NUP133: variants seen among roughly 807,000 people sequenced by gnomAD.
NUP133 encodes nuclear pore complex protein Nup133.
Under a neutral mutation model 146.2 loss-of-function variants are expected in NUP133, and 66 were observed. The observed-to-expected ratio is 0.45, with a 90% CI of 0.37 to 0.55. NUP133 has a LOEUF of 0.55. Ranked by LOEUF, NUP133 falls within the 20% of genes least tolerant of loss-of-function variation. The probability of loss-of-function intolerance (pLI) is 0.00; values close to 1 mark genes in which losing one functional copy is unlikely to be tolerated. For synonymous variants in NUP133, 521 were observed against 498.8 expected (o/e 1.04, Z -0.59); for missense variants, 1,277 against 1,374.8 (o/e 0.93, Z 1.12).
At chr1:229,472,304 G>C (rs1157316783) in intron 14 of NUP133, among the ~76,000 whole-genome samples, 1 of 145,164 alleles carries the variant, frequency 6.9e-6, no homozygotes, top group Non-Finnish European at 1.5e-5. Context: ...GGGCGACAGA[G>C]CGAGACTCCG....
chr1:229,491,889 G>T (rs1661526793), intron 8 of NUP133, among the ~76,000 whole-genome samples: 1 of 152,154 alleles, frequency 6.6e-6, no homozygotes, highest in Admixed American at 6.5e-5. Flanking sequence ...AGACCAAACA[G>T]GGCAACCCTG....
chr1:229,447,121 T>A (rs574367934), intron 24 of NUP133, among the ~76,000 whole-genome samples: 22 of 151,958 alleles, frequency 1.4e-4, no homozygotes, highest in African/African-American at 5.1e-4. Flanking sequence ...TGAAACTCCA[T>A]CACAAAAAAA....
At chr1:229,461,114 G>A (rs151070299) in intron 19 of NUP133, among the ~76,000 whole-genome samples, 326 of 152,248 alleles carry the variant, frequency 2.1e-3, no homozygotes, top group African/African-American at 7.4e-3. Context: ...CACATTTCAA[G>A]TGCTCAGTAG....
chr1:229,446,616 C>T (rs994302624), intron 24 of NUP133, among the ~76,000 whole-genome samples: 2 of 151,792 alleles, frequency 1.3e-5, no homozygotes, highest in Admixed American at 1.3e-4. Context: ...CACCTGTAGT[C>T]CCAACTAATC....
At chr1:229,491,269 T>C (rs1262352132) in intron 8 of NUP133, among the ~76,000 whole-genome samples, 1 of 152,204 alleles carries the variant, frequency 6.6e-6, no homozygotes, top group Non-Finnish European at 1.5e-5. Flanking sequence ...CTTTTGGCCC[T>C]TTACAGAAAA....
rs1660771917 is a variant in NUP133 at position 229,464,708 on chromosome 1, C to G, written c.2467G>C (p.Val823Leu). ...LDGYVSQLKS[V>L]DKSSNRERYD... ...CTTTCCCGATTACTGGATTTATCCA[C>G]AGACTTAAGCTGAGAAACATAACCA... The change falls in exon 18 of 26, where the codon GTG becomes CTG. Residue 823 changes from valine to leucine, a missense_variant. Physicochemically the swap from Val to Leu is conservative, Grantham distance 32. This residue lies in a region of NUP133 where 952 missense variants were observed against 1,047.0 expected (regional missense o/e 0.91). Coordinates refer to ENST00000261396, the MANE Select transcript of NUP133 (RefSeq NM_018230.3). The G allele has an allele frequency of 6.2e-7, 1 of 1,614,108 alleles. No individual in the cohort carries two copies. Among genetic ancestry groups the G allele is most frequent in the Admixed American group, 1.7e-5 (1 of 60,008 alleles).
chr1:229,451,870 G>A (rs1460361077), intron 22 of NUP133, among the ~76,000 whole-genome samples: 1 of 152,180 alleles, frequency 6.6e-6, no homozygotes, highest in Non-Finnish European at 1.5e-5. Context: ...ATACTCAATA[G>A]TGAGTTACAA....
rs199730116 is a variant in NUP133, at chr1:229,475,723, C to G, written c.1766G>C (p.Gly589Ala). The change falls in exon 14 of 26, where the codon GGG becomes GCG. Residue 589 changes from glycine to alanine, a missense_variant. This residue lies in a region of NUP133 where 952 missense variants were observed against 1,047.0 expected (regional missense o/e 0.91). Coordinates refer to ENST00000261396, the MANE Select transcript of NUP133 (RefSeq NM_018230.3). ...WAESVPEEAP[G>A]FSNTSLIILH... The stretch of plus-strand genomic sequence containing the variant: ...GATAATCAGTGACGTATTGCTGAAC[C>G]CAGGTGCTTCTGTTAAAACACAGTG... The G allele has an allele frequency of 6.2e-6, 10 of 1,613,440 alleles. No homozygotes were observed. The Admixed American group carries it at 1.7e-4, about 27-fold the overall frequency.
intron 18 of NUP133, among the ~76,000 whole-genome samples, chr1:229,463,966 T>C (rs970066330): frequency 1.3e-5 from 2 of 151,910 alleles, no homozygotes; most frequent in Non-Finnish European, 2.9e-5. Context: ...GCCAATATGG[T>C]GAAACCCCAT....
intron 8 of NUP133, among the ~76,000 whole-genome samples, chr1:229,492,107 ATT>A (rs200318942): frequency 7.8e-5 from 11 of 140,264 alleles, no homozygotes; most frequent in African/African-American, 7.8e-5. Flanking sequence ...TACTAGCAAC[ATT>A]TTTTTTTTTT....
In NUP133 at chr1:229,441,379, G is replaced by GA. The variant is rs779062471; in HGVS notation, c.*524dup. 3.8e-6 allele frequency: 2 copies of GA among 530,414 alleles called. No individual in the cohort carries two copies. Among genetic ancestry groups the GA allele is most frequent in the South Asian group, 2.8e-5 (2 of 70,692 alleles). 32.9% of individuals were successfully genotyped at this position (530,414 alleles called of 1,614,324 possible). On this transcript the variant is annotated 3_prime_UTR_variant, in exon 26 of 26. Coordinates refer to ENST00000261396, the MANE Select transcript of NUP133 (RefSeq NM_018230.3). ...AGTTCATCAGTTATCAAGCTCACATGAGTTAGGCCCACTCTCCTTTGGTTT... is the reference window on the plus strand; with the variant it reads ...AGTTCATCAGTTATCAAGCTCACATGAAGTTAGGCCCACTCTCCTTTGGTTT...
intron 8 of NUP133, among the ~76,000 whole-genome samples, 180 bp downstream of exon 8, chr1:229,495,315 C>T (rs1284790682): frequency 2.0e-5 from 3 of 152,116 alleles, no homozygotes; most frequent in Non-Finnish European, 4.4e-5. Flanking sequence ...CACTTCAGCC[C>T]AGGAGGTCAT....
At chr1:229,459,531 G>A (rs967019854) in intron 20 of NUP133, among the ~76,000 whole-genome samples, 12 of 152,110 alleles carry the variant, frequency 7.9e-5, no homozygotes, top group Non-Finnish European at 1.3e-4. Context: ...CTGTGTGTGT[G>A]TGCGTATAAC....
chr1:229,494,475 A>G (rs939197260), intron 8 of NUP133, among the ~76,000 whole-genome samples: 3 of 152,126 alleles, frequency 2.0e-5, no homozygotes, highest in Admixed American at 2.0e-4. Context: ...TTACTCTAAA[A>G]CTCATAAAAA....
At chr1:229,467,577 C>T (rs1389508044) in intron 15 of NUP133, among the ~76,000 whole-genome samples, 2 of 152,194 alleles carry the variant, frequency 1.3e-5, no homozygotes, top group African/African-American at 4.8e-5. Flanking sequence ...ATCTTTAGCA[C>T]ATTTAATTTA....
intron 23 of NUP133, among the ~76,000 whole-genome samples, chr1:229,449,666 C>T (rs1013054184): frequency 1.3e-5 from 2 of 150,332 alleles, no homozygotes; most frequent in Non-Finnish European, 3.0e-5. Flanking sequence ...CCACCTCGCC[C>T]GGCCTGAGAG....
intron 6 of NUP133, among the ~76,000 whole-genome samples, chr1:229,497,378 G>A (rs1661680526): frequency 6.6e-6 from 1 of 152,236 alleles, no homozygotes; most frequent in African/African-American, 2.4e-5. Context: ...AGGGTTAAGT[G>A]AGTAGCCAAT....
chr1:229,443,431 T>C (rs1291613417), intron 25 of NUP133, among the ~76,000 whole-genome samples: 1 of 152,220 alleles, frequency 6.6e-6, no homozygotes, highest in African/African-American at 2.4e-5. Context: ...ACATGCATTT[T>C]GTTCTGTATG....
At position 229,466,673 on chromosome 1, in the gene NUP133, T is replaced by C; in HGVS notation, c.2160A>G (p.Glu720=). ...VLRDAPMDSI[E]WAEVVINVNN... is the part of the protein sequence containing the mutation. ...TCACATTGATCACCACTTCAGCCCA[T>C]TCAATGGAATCCATAGGTGCATCCC... The change falls in exon 16 of 26, where the codon GAA becomes GAG. Residue 720 remains glutamate, a synonymous_variant. Transcript: ENST00000261396. 1 of 1,614,082 alleles carries C rather than the reference T, an allele frequency of 6.2e-7. No homozygotes were observed. Among genetic ancestry groups the C allele is most frequent in the Non-Finnish European group, 8.5e-7 (1 of 1,179,952 alleles).
Sources: gnomAD v4.1 joint callset for allele counts (sites outside exome capture counted in the v4.1 genomes callset) on GRCh38, gnomAD v4.1.1 for gene constraint, gnomAD v4.1.1 regional missense constraint, MANE v1.5 for transcripts, NCBI Gene and HGNC (gene_info 2026-07-23, HGNC 2026-07-21) for gene names.